RBFOX1: variants seen among roughly 807,000 people sequenced by gnomAD.
The protein encoded by RBFOX1 is RNA binding fox-1 homolog 1.
Under a neutral mutation model 57.7 loss-of-function variants are expected in RBFOX1, and 8 were observed. The ratio of observed to expected loss-of-function variants is 0.14; its 90% CI spans 0.08 to 0.25. RBFOX1 has a LOEUF of 0.25. Among genes scored for constraint, RBFOX1 ranks in the 10% least tolerant of loss-of-function variants. The pLI, the probability that RBFOX1 is intolerant of heterozygous loss-of-function variation, is 1.00. For missense variants in RBFOX1, 611 were observed against 548.5 expected (o/e 1.11, Z -1.14); for synonymous variants, 326 against 222.4 (o/e 1.47, Z -4.15).
intron 3 of RBFOX1, among the ~76,000 whole-genome samples, chr16:6,880,747 T>A (rs946071234): frequency 6.6e-6 from 1 of 152,206 alleles, no homozygotes; most frequent in African/African-American, 2.4e-5. Flanking sequence ...ATGATTGTAT[T>A]TGATTGCGTT....
intron 3 of RBFOX1, among the ~76,000 whole-genome samples, chr16:6,722,329 T>C (rs1340109472): frequency 6.6e-6 from 1 of 152,226 alleles, no homozygotes; most frequent in Non-Finnish European, 1.5e-5. Flanking sequence ...TGTTTTTGTT[T>C]GCTTGTTTGT....
chr16:5,339,233 C>G (rs2064974235), intron 1 of RBFOX1, among the ~76,000 whole-genome samples: 1 of 152,022 alleles, frequency 6.6e-6, no homozygotes, highest in African/African-American at 2.4e-5. Flanking sequence ...CCTTAGATTC[C>G]ACATATCCAT....
At chr16:6,864,638 A>C (rs1370029012) in intron 3 of RBFOX1, among the ~76,000 whole-genome samples, 1 of 151,972 alleles carries the variant, frequency 6.6e-6, no homozygotes, top group African/African-American at 2.4e-5. Context: ...ATCTGATTCA[A>C]ATGTTTTATT....
At chr16:7,338,010 G>C (rs2144920338) in intron 4 of RBFOX1, among the ~76,000 whole-genome samples, 1 of 152,186 alleles carries the variant, frequency 6.6e-6, no homozygotes, top group South Asian at 2.1e-4. Context: ...TAATTTTCTG[G>C]GTTTGTGCAT....
intron 4 of RBFOX1, among the ~76,000 whole-genome samples, chr16:7,380,970 A>G (rs1255789564): frequency 6.6e-6 from 1 of 152,256 alleles, no homozygotes; most frequent in Non-Finnish European, 1.5e-5. Flanking sequence ...CAGAGTTCTC[A>G]GTGAAAGTAG....
At chr16:6,278,797 C>G (rs926969144) in intron 1 of RBFOX1, among the ~76,000 whole-genome samples, 1 of 151,766 alleles carries the variant, frequency 6.6e-6, no homozygotes, top group Non-Finnish European at 1.5e-5. Context: ...AAAATAGAAA[C>G]TCGATATTGT....
intron 2 of RBFOX1, among the ~76,000 whole-genome samples, chr16:6,389,173 G>C (rs2092463586): frequency 6.6e-6 from 1 of 152,196 alleles, no homozygotes; most frequent in African/African-American, 2.4e-5. Flanking sequence ...GATGATGCAT[G>C]CTGCAGGGAT....
chr16:7,464,688 C>CTTTTTTTTTTTTTTTTTTTT (rs57553411), intron 4 of RBFOX1, among the ~76,000 whole-genome samples: 1 of 62,232 alleles, frequency 1.6e-5, no homozygotes, highest in African/African-American at 6.9e-5. Flanking sequence ...TATTGTCTGT[C>CTTTTTTTTTTTTTTTTTTTT]TTTTTTTTTT....
rs546826911 is a variant in RBFOX1, at chr16:5,818,624, T to G, written c.319-48679T>G. Reference sequence around the variant, plus strand: ...TACTTTGTTAGTTTTGACGAGAAATTAGAAGAATTAGATAGGACCCTTGTT... The same window carrying G: ...TACTTTGTTAGTTTTGACGAGAAATGAGAAGAATTAGATAGGACCCTTGTT... On this transcript the variant is annotated intron_variant, in intron 3 of 19. Transcript: ENST00000641259. 7.9e-5 allele frequency among the ~76,000 whole-genome samples: 12 copies of G among 152,306 alleles called. No homozygotes were observed. The East Asian group carries it at 1.4e-3, about 17-fold the overall frequency.
Position 6,908,497 on chromosome 16 carries a change from T to G in RBFOX1, c.-15-143560T>G, listed in dbSNP as rs186795387. On this transcript the variant is annotated intron_variant, in intron 3 of 15. Transcript: ENST00000550418. ...GCATGCCCAATCCTCTAGGAAGGTA[T>G]TTCCGGGTTATAGCTGACAACTCAC... 2.0e-4 allele frequency among the ~76,000 whole-genome samples: 30 copies of G among 152,314 alleles called. 1 individual carries two copies. Among genetic ancestry groups the G allele is most frequent in the South Asian group, 1.2e-3 (6 of 4,824 alleles).
At chr16:5,582,162 C>G (rs980152625) in intron 2 of RBFOX1, among the ~76,000 whole-genome samples, 4 of 152,192 alleles carry the variant, frequency 2.6e-5, no homozygotes, top group African/African-American at 9.6e-5. Flanking sequence ...ATTACTCTCG[C>G]CCCGGGAGTA....
intron 3 of RBFOX1, among the ~76,000 whole-genome samples, chr16:6,871,963 T>TGTGTGTG (rs2060984786): frequency 3.1e-5 from 3 of 98,182 alleles, no homozygotes; most frequent in South Asian, 7.2e-4. Context: ...GTGTGTGTGT[T>TGTGTGTG]TCCCTCGGTA....
At chr16:5,770,119 G>T (rs2053927706) in intron 3 of RBFOX1, among the ~76,000 whole-genome samples, 1 of 152,124 alleles carries the variant, frequency 6.6e-6, no homozygotes, top group African/African-American at 2.4e-5. Context: ...TTTTGTGTGT[G>T]GGTGTATATT....
intron 3 of RBFOX1, among the ~76,000 whole-genome samples, chr16:6,739,561 A>G (rs997590861): frequency 4.7e-5 from 7 of 149,574 alleles, no homozygotes; most frequent in African/African-American, 9.9e-5. Context: ...TTTAACACCA[A>G]TTCTTCAAAA....
chr16:5,795,144 T>C (rs943955706), intron 3 of RBFOX1, among the ~76,000 whole-genome samples: 1 of 152,196 alleles, frequency 6.6e-6, no homozygotes, highest in Non-Finnish European at 1.5e-5. Flanking sequence ...TCAGTAGCGA[T>C]GGATCTGAAA....
chr16:5,949,645 T>A (rs1464563001), intron 4 of RBFOX1, among the ~76,000 whole-genome samples: 2 of 152,202 alleles, frequency 1.3e-5, no homozygotes, highest in Non-Finnish European at 2.9e-5. Context: ...CTTTTCTTGT[T>A]GGTCTTTTAC....
intron 4 of RBFOX1, among the ~76,000 whole-genome samples, chr16:5,880,870 T>G (rs987789870): frequency 1.3e-5 from 2 of 152,248 alleles, no homozygotes; most frequent in African/African-American, 4.8e-5. Flanking sequence ...AAATCTTTGC[T>G]TTCTTTGTTA....
intron 1 of RBFOX1, among the ~76,000 whole-genome samples, chr16:5,342,598 C>A (rs932715603): frequency 1.3e-5 from 2 of 152,120 alleles, no homozygotes; most frequent in African/African-American, 4.8e-5. Context: ...GGAAAGGACT[C>A]AAAAATGCAA....
At chr16:5,819,639 A>G (rs1037910211) in intron 3 of RBFOX1, among the ~76,000 whole-genome samples, 12 of 152,136 alleles carry the variant, frequency 7.9e-5, no homozygotes, top group African/African-American at 2.7e-4. Flanking sequence ...ACTACTTGAC[A>G]TTTCCTATCC....
Sources: allele counts gnomAD v4.1 joint callset (sites outside exome capture counted in the v4.1 genomes callset), GRCh38; gene constraint gnomAD v4.1.1; transcripts MANE v1.5; gene names NCBI Gene and HGNC (gene_info 2026-07-23, HGNC 2026-07-21).